Variants in TGM6 observed in about 807,000 individuals in gnomAD.
TGM6 encodes the protein protein-glutamine gamma-glutamyltransferase 6.
TGM6 carries 74 observed loss-of-function variants against 77.5 expected under a neutral mutation model. The ratio of observed to expected loss-of-function variants is 0.96; its 90% CI spans 0.79 to 1.16. The LOEUF is 1.16. Among genes scored for constraint, TGM6 ranks in the 50% most tolerant of loss-of-function variants. TGM6 has a pLI of 0.00. For synonymous variants in TGM6, 383 were observed against 378.9 expected (o/e 1.01, Z -0.12); for missense variants, 968 against 940.2 (o/e 1.03, Z -0.39).
At chr20:2,400,202 G>C in intron 6 of TGM6, 104 bp from the exon 7 acceptor site, 3 of 1,526,566 alleles carry the variant, frequency 2.0e-6, no homozygotes, top group Non-Finnish European at 2.7e-6. Context: ...AGATGGGGTG[G>C]CAGAGGGCTT....
chr20:2,417,664 T>A, intron 10 of TGM6, 91 bp downstream of exon 10: 1 of 1,377,126 alleles, frequency 7.3e-7, no homozygotes, highest in Non-Finnish European at 1.0e-6. Flanking sequence ...AGGACTGCAT[T>A]CATCCCCAGG....
intron 7 of TGM6, 140 bp downstream of exon 7, chr20:2,400,584 G>A (rs952089252): frequency 1.6e-6 from 2 of 1,239,462 alleles, no homozygotes; most frequent in Non-Finnish European, 2.3e-6. Context: ...TGGAGGGAGT[G>A]AGAGGCGCCC....
intron 11 of TGM6, 80 bp from the exon 12 acceptor site, chr20:2,430,814 C>T: frequency 1.2e-6 from 2 of 1,611,932 alleles, no homozygotes; most frequent in Non-Finnish European, 1.7e-6. Context: ...AATGATCCAT[C>T]CTCTAACTCA....
chr20:2,422,949 CAA>C (rs3050737), intron 10 of TGM6, among the ~76,000 whole-genome samples: 11 of 113,406 alleles, frequency 9.7e-5, no homozygotes, highest in Non-Finnish European at 9.4e-5. Context: ...GACTCTTTCT[CAA>C]AAAAAAAAAA....
intron 2 of TGM6, 53 bp downstream of exon 2, chr20:2,394,678 T>C: frequency 1.9e-6 from 3 of 1,551,548 alleles, no homozygotes; most frequent in East Asian, 2.4e-5. Context: ...GGGACCTGTC[T>C]TATGACTCAG....
At chr20:2,429,022 A>C (rs1045554463) in intron 10 of TGM6, among the ~76,000 whole-genome samples, 10 of 152,108 alleles carry the variant, frequency 6.6e-5, no homozygotes, top group African/African-American at 2.4e-4. Flanking sequence ...ACAGGGTTTC[A>C]ACATGTTGGT....
At chr20:2,395,076 A>G in intron 2 of TGM6, 118 bp from the exon 3 acceptor site, 1 of 1,509,418 alleles carries the variant, frequency 6.6e-7, no homozygotes, top group Non-Finnish European at 8.9e-7. Context: ...CCTTCTCCCA[A>G]AGCCTCCCAG....
Position 2,417,422 on chromosome 20 carries a change from C to A in TGM6, c.1527C>A (p.His509Gln). 1 of 1,613,056 alleles carries A rather than the reference C, an allele frequency of 6.2e-7. No individual in the cohort carries two copies. Among genetic ancestry groups the A allele is most frequent in the Non-Finnish European group, 8.5e-7 (1 of 1,180,024 alleles). ...TGCTAGAGCCTCCCATGCTGGGCCA[C>A]GACCTGAGACTGGCCCTGTGCTTGG... ...FKVLEPPMLG[H>Q]DLRLALCLAN... Residue 509 changes from histidine (H) to glutamine (Q), a missense_variant, in exon 10 of 13, where the codon CAC (histidine) becomes CAA (glutamine). Physicochemically the swap from His to Gln is conservative, Grantham distance 24. Transcript: ENST00000202625.
intron 9 of TGM6, among the ~76,000 whole-genome samples, chr20:2,416,725 C>T (rs971137176): frequency 1.3e-5 from 2 of 152,160 alleles, no homozygotes; most frequent in Non-Finnish European, 2.9e-5. Flanking sequence ...GCTCCTGAGT[C>T]AAGTCCCGCC....
At position 2,417,343 on chromosome 20, in the gene TGM6, G is replaced by T; in HGVS notation, c.1448G>T (p.Arg483Leu). Reference protein sequence around the residue: ...IRRAGGRCLWRDDLLEPATKP... With the variant: ...IRRAGGRCLWLDDLLEPATKP... ...AGGGCTGGGGGTCGCTGTCTCTGGCGTGACGACCTCCTGGAGCCTGCCACC... is the reference window on the plus strand; with the variant it reads ...AGGGCTGGGGGTCGCTGTCTCTGGCTTGACGACCTCCTGGAGCCTGCCACC... Residue 483 changes from arginine to leucine, a missense_variant, in exon 10 of 13, where the codon CGT becomes CTT. Transcript: ENST00000202625. 1 of 1,613,926 alleles carries T rather than the reference G, an allele frequency of 6.2e-7. No homozygotes were observed.
At chr20:2,398,955 G>T (rs2084687011) in intron 5 of TGM6, among the ~76,000 whole-genome samples, 1 of 151,928 alleles carries the variant, frequency 6.6e-6, no homozygotes, top group Non-Finnish European at 1.5e-5. Flanking sequence ...AGAGCAGTTG[G>T]AGCACAGAGA....
chr20:2,394,381 G>A (rs945199889), intron 1 of TGM6, 71 bp from the exon 2 acceptor site: 7 of 1,540,938 alleles, frequency 4.5e-6, no homozygotes, highest in Non-Finnish European at 6.2e-6. Flanking sequence ...GAGAATGAAT[G>A]GGAGGACAAG....
At chr20:2,398,275 A>T (rs568510990) in intron 5 of TGM6, among the ~76,000 whole-genome samples, 2 of 152,252 alleles carry the variant, frequency 1.3e-5, no homozygotes, top group South Asian at 4.1e-4. Context: ...CCACTCCAAG[A>T]TGCTTCTTCT....
chr20:2,415,320 A>G (rs2084808371), intron 9 of TGM6, among the ~76,000 whole-genome samples: 2 of 152,184 alleles, frequency 1.3e-5, no homozygotes, highest in South Asian at 2.1e-4. Context: ...TGAAGACCAC[A>G]TGCCACAGGT....
intron 1 of TGM6, among the ~76,000 whole-genome samples, chr20:2,382,346 C>A (rs1412098188): frequency 6.6e-6 from 1 of 152,176 alleles, no homozygotes; most frequent in Non-Finnish European, 1.5e-5. Context: ...CCTGATGGCC[C>A]TGGTGCAGAG....
chr20:2,390,872 G>T (rs1177310036), intron 1 of TGM6, among the ~76,000 whole-genome samples: 1 of 152,108 alleles, frequency 6.6e-6, no homozygotes, highest in Admixed American at 6.5e-5. Flanking sequence ...CAGGTGCAAA[G>T]GCCCTGAAGA....
intron 9 of TGM6, among the ~76,000 whole-genome samples, chr20:2,406,766 C>T (rs1281049194): frequency 1.5e-5 from 2 of 130,794 alleles, no homozygotes; most frequent in African/African-American, 2.8e-5. Flanking sequence ...ACCTGGGAGG[C>T]GGAGGTTGCA....
Position 2,397,658 on chromosome 20 carries a change from C to T in TGM6, c.544-260C>T, listed in dbSNP as rs200850128. Reference sequence around the variant, plus strand: ...CGAGAGCCTCCGATTTTAGCTCAGACTTTATTGTGGGTAGTCAGGAGCCAC... The same window carrying T: ...CGAGAGCCTCCGATTTTAGCTCAGATTTTATTGTGGGTAGTCAGGAGCCAC... On this transcript the variant is annotated intron_variant, in intron 4 of 12. Transcript: ENST00000202625. Among the ~76,000 whole-genome samples the T allele has an allele frequency of 4.6e-5, 7 of 152,294 alleles. No homozygotes were observed. In the East Asian group the frequency reaches 1.4e-3, roughly 29 times the overall value.
intron 4 of TGM6, among the ~76,000 whole-genome samples, chr20:2,397,293 G>C (rs2084675866): frequency 6.6e-6 from 1 of 152,190 alleles, no homozygotes; most frequent in South Asian, 2.1e-4. Context: ...GAGTCTGCTA[G>C]AGGAATTCTG....
Sources: allele counts gnomAD v4.1 joint callset (sites outside exome capture counted in the v4.1 genomes callset), GRCh38; gene constraint gnomAD v4.1.1; transcripts MANE v1.5; gene names NCBI Gene and HGNC (gene_info 2026-07-23, HGNC 2026-07-21).